Variants in ABCC4 observed in about 807,000 individuals in gnomAD.
ABCC4 encodes ATP-binding cassette sub-family C member 4.
In ABCC4, 102 loss-of-function variants were observed where a neutral mutation model predicts 168.5. The observed-to-expected ratio is 0.61, with a 90% confidence interval of 0.52 to 0.71. The LOEUF is 0.71. Among genes scored for constraint, ABCC4 ranks in the 30% least tolerant of loss-of-function variants. The pLI is 0.00. For missense variants in ABCC4, 1,402 were observed against 1,605.8 expected (o/e 0.87, Z 2.17); for synonymous variants, 617 against 590.7 (o/e 1.04, Z -0.65).
At chr13:95,295,245 G>T (rs1209835700) in intron 1 of ABCC4, among the ~76,000 whole-genome samples, 1 of 152,090 alleles carries the variant, frequency 6.6e-6, no homozygotes, top group African/African-American at 2.4e-5. Context: ...GCCGGCCACA[G>T]TGACTCACAC....
At chr13:95,291,854 C>T (rs140702478) in intron 1 of ABCC4, among the ~76,000 whole-genome samples, 20 of 151,706 alleles carry the variant, frequency 1.3e-4, no homozygotes, top group Middle Eastern at 3.4e-3. Context: ...GGCTGAGGCA[C>T]GAGAATTGCT....
chr13:95,295,530 C>A (rs117303709), intron 1 of ABCC4, among the ~76,000 whole-genome samples: 6,950 of 151,982 alleles, frequency 0.046, 251 homozygotes, highest in South Asian at 0.082. Context: ...CAGTGGCGTG[C>A]GCTTGTAGTC....
intron 29 of ABCC4, among the ~76,000 whole-genome samples, chr13:95,036,152 CGAG>C (rs1438171337): frequency 6.6e-6 from 1 of 151,992 alleles, no homozygotes; most frequent in African/African-American, 2.4e-5. Flanking sequence ...CTCCTCCTGA[CGAG>C]GAAGGAAAAA....
At chr13:95,060,778 A>G (rs764543901) in intron 26 of ABCC4, among the ~76,000 whole-genome samples, 1 of 152,220 alleles carries the variant, frequency 6.6e-6, no homozygotes, top group African/African-American at 2.4e-5. Flanking sequence ...TGCCATTTCA[A>G]AGTCAACATT....
At chr13:95,038,868 A>G (rs1407102311) in intron 29 of ABCC4, among the ~76,000 whole-genome samples, 1 of 152,120 alleles carries the variant, frequency 6.6e-6, no homozygotes, top group Admixed American at 6.6e-5. Context: ...ACAGATATGG[A>G]AGGAGGTATA....
At chr13:95,086,360 T>A (rs575148598) in intron 20 of ABCC4, among the ~76,000 whole-genome samples, 1 of 152,300 alleles carries the variant, frequency 6.6e-6, no homozygotes, top group South Asian at 2.1e-4. Flanking sequence ...CACATTTTAA[T>A]AAATATATAA....
chr13:95,171,611 G>A (rs190326153), intron 13 of ABCC4, among the ~76,000 whole-genome samples: 28 of 151,972 alleles, frequency 1.8e-4, no homozygotes, highest in Middle Eastern at 3.4e-3. Flanking sequence ...GCATTAATCT[G>A]TAACAAGGGC....
intron 26 of ABCC4, 84 bp downstream of exon 26, chr13:95,062,620 A>T (rs1015467315): frequency 1.2e-5 from 15 of 1,295,568 alleles, no homozygotes; most frequent in African/African-American, 1.5e-5. Context: ...CTTTCATCCA[A>T]TTAAAAAAAG....
At chr13:95,030,409 T>C (rs1309413048) in intron 30 of ABCC4, among the ~76,000 whole-genome samples, 1 of 152,094 alleles carries the variant, frequency 6.6e-6, no homozygotes, top group Non-Finnish European at 1.5e-5. Context: ...TCAAATTAGG[T>C]CGGCTTCATC....
At chr13:95,145,856 C>A (rs1258051008) in intron 19 of ABCC4, among the ~76,000 whole-genome samples, 1 of 152,182 alleles carries the variant, frequency 6.6e-6, no homozygotes, top group South Asian at 2.1e-4. Context: ...AACAGAAAAC[C>A]AAATATCACA....
chr13:95,200,336 C>T (rs1265181771), intron 8 of ABCC4, among the ~76,000 whole-genome samples: 1 of 152,220 alleles, frequency 6.6e-6, no homozygotes, highest in Non-Finnish European at 1.5e-5. Context: ...CTATTTGCTA[C>T]ACATATTTTG....
chr13:95,043,645 T>C lies in ABCC4; in HGVS notation c.3735+37A>G, dbSNP rs201658412. 5.9e-5 allele frequency: 90 copies of C among 1,512,902 alleles called. No individual in the cohort carries two copies. The East Asian group carries it at 1.4e-3, about 23-fold the overall frequency. The allele number at this position is 1,512,902 out of a possible 1,614,324, so 93.7% of individuals were successfully genotyped here. A position where few individuals can be genotyped will look rare whatever the true frequency, so the allele number is the denominator to read the frequency against. On this transcript the variant is annotated intron_variant, in intron 29 of 30. Transcript: ENST00000645237. ...GAATAAACTGAAAAAGTGAACATAA[T>C]TGGGAGCAACAGGAATTCCGCAGGT...
intron 26 of ABCC4, among the ~76,000 whole-genome samples, chr13:95,058,567 C>CAAA (rs1165324016): frequency 3.6e-3 from 224 of 62,720 alleles, no homozygotes; most frequent in East Asian, 5.8e-3. Context: ...GACTCCATCT[C>CAAA]AAAAAAAAAA....
chr13:95,181,229 C>T (rs1043123812), intron 11 of ABCC4, among the ~76,000 whole-genome samples: 3 of 152,228 alleles, frequency 2.0e-5, no homozygotes, highest in African/African-American at 4.8e-5. Context: ...ACCATGTGCA[C>T]ATCAACCATG....
At chr13:95,133,743 C>G (rs1417020698) in intron 19 of ABCC4, among the ~76,000 whole-genome samples, 1 of 152,110 alleles carries the variant, frequency 6.6e-6, no homozygotes, top group Non-Finnish European at 1.5e-5. Context: ...AAAGGAAGAG[C>G]CTGCCTGTGG....
At chr13:95,230,938 A>G (rs2039602450) in intron 4 of ABCC4, among the ~76,000 whole-genome samples, 1 of 152,246 alleles carries the variant, frequency 6.6e-6, no homozygotes, top group Non-Finnish European at 1.5e-5. Context: ...ATAGTGGAAT[A>G]TTATTCACTC....
intron 25 of ABCC4, among the ~76,000 whole-genome samples, 172 bp downstream of exon 25, chr13:95,071,490 G>A (rs1363587806): frequency 6.6e-6 from 1 of 152,190 alleles, no homozygotes; most frequent in East Asian, 1.9e-4. Context: ...ACCAACCACA[G>A]TAAAGCAGTT....
At chr13:95,162,467 C>T (rs2037129206) in intron 18 of ABCC4, among the ~76,000 whole-genome samples, 2 of 152,242 alleles carry the variant, frequency 1.3e-5, no homozygotes, top group Middle Eastern at 3.4e-3. Context: ...CAGAGTGTGG[C>T]GTTAATATTA....
rs933730508 is a variant in ABCC4, at chr13:95,030,080, G to A, written c.3870+4525C>T. Among the ~76,000 whole-genome samples, 17 of 152,076 alleles carry A rather than the reference G, an allele frequency of 1.1e-4. No homozygotes were observed. The East Asian group carries it at 1.5e-3, about 14-fold the overall frequency. On this transcript the variant is annotated intron_variant, in intron 30 of 30. Coordinates refer to ENST00000645237, the MANE Select transcript of ABCC4 (RefSeq NM_005845.5). ...CTGCCGCCCAGGCTAGAGTGCAGTC[G>A]TGTGACGTAGGCTCACTGCAACCTC...
Sources: allele counts gnomAD v4.1 joint callset (sites outside exome capture counted in the v4.1 genomes callset), GRCh38; gene constraint gnomAD v4.1.1; transcripts MANE v1.5; gene names NCBI Gene and HGNC (gene_info 2026-07-23, HGNC 2026-07-21).